Variants in BHMT observed in about 807,000 individuals in gnomAD.
BHMT encodes the protein betaine--homocysteine S-methyltransferase 1.
Under a neutral mutation model 49.5 loss-of-function variants are expected in BHMT, and 38 were observed. The ratio of observed to expected loss-of-function variants is 0.77; its 90% CI spans 0.59 to 1.01. The LOEUF (loss-of-function observed/expected upper bound fraction) is 1.01, where lower values mean the gene tolerates loss of function less well. BHMT is among the 50% of genes least tolerant of loss of function. BHMT has a pLI of 0.00. For missense variants in BHMT, 426 were observed against 495.7 expected (o/e 0.86, Z 1.34); for synonymous variants, 166 against 176.3 (o/e 0.94, Z 0.46).
chr5:79,120,642 C>A, intron 4 of BHMT, 101 bp downstream of exon 4: 1 of 1,063,366 alleles, frequency 9.4e-7, no homozygotes, highest in Non-Finnish European at 1.3e-6. Flanking sequence ...ACAATCATAA[C>A]TAGCAATAGT....
intron 2 of BHMT, among the ~76,000 whole-genome samples, chr5:79,118,557 T>G (rs1388002608): frequency 2.0e-5 from 3 of 152,220 alleles, no homozygotes; most frequent in Admixed American, 1.3e-4. Flanking sequence ...CTCCAATTCT[T>G]ATTTCACCAT....
chr5:79,125,992 GC>G, intron 5 of BHMT, 53 bp from the exon 6 acceptor site: 2 of 1,524,138 alleles, frequency 1.3e-6, no homozygotes, highest in Admixed American at 3.9e-5. Context: ...AGGAGAGCTG[GC>G]CCTGCTGGTT....
chr5:79,116,341 C>T (rs1362855576), intron 2 of BHMT: 1 of 152,526 alleles, frequency 6.6e-6, no homozygotes. Flanking sequence ...GGCCCACAAT[C>T]CCCTGTCCAA....
Sources: allele counts gnomAD v4.1 joint callset (sites outside exome capture counted in the v4.1 genomes callset), GRCh38; gene constraint gnomAD v4.1.1; transcripts MANE v1.5; gene names NCBI Gene and HGNC (gene_info 2026-07-23, HGNC 2026-07-21).